RIOX2: variants seen among roughly 807,000 people sequenced by gnomAD.
RIOX2 encodes 60S ribosomal protein L27a histidine hydroxylase.
RIOX2 carries 43 observed loss-of-function variants against 51.2 expected under a neutral mutation model. The ratio of observed to expected loss-of-function variants is 0.84; its 90% CI spans 0.66 to 1.08. The LOEUF (loss-of-function observed/expected upper bound fraction) is 1.08. Ranked by LOEUF, RIOX2 falls within the 50% of genes least tolerant of loss-of-function variation. RIOX2 has a pLI of 0.00. For synonymous variants in RIOX2, 226 were observed against 218.5 expected, an observed-to-expected ratio of 1.03 and a Z score of -0.30; for missense variants, 566 against 561.7, an observed-to-expected ratio of 1.01 and a Z score of -0.08.
Position 97,942,994 on chromosome 3 carries a change from T to G in RIOX2, c.*2190A>C, listed in dbSNP as rs541515914. The stretch of plus-strand genomic sequence containing the variant: ...AAAGAATCACATTAAGGCACGCCAC[T>G]TATACAATCATGTATTATACCTTTT... On this transcript the variant is annotated 3_prime_UTR_variant, in exon 10 of 10. Coordinates refer to ENST00000394198, the MANE Select transcript of RIOX2 (RefSeq NM_153182.4). 51 of 463,916 alleles carry G rather than the reference T, an allele frequency of 1.1e-4. No homozygotes were observed. The highest frequency in any genetic ancestry group is 9.8e-4 in the South Asian group (34 of 34,734). The allele number at this position is 463,916 out of a possible 1,614,324, so 28.7% of individuals were successfully genotyped here. A position where few individuals can be genotyped will look rare whatever the true frequency, so the allele number is the denominator to read the frequency against.
intron 4 of RIOX2, 27 bp from the exon 5 acceptor site, chr3:97,954,522 A>G (rs1705384698): frequency 4.4e-6 from 7 of 1,575,564 alleles, no homozygotes; most frequent in Admixed American, 1.7e-5. Flanking sequence ...GAAAGGGTAG[A>G]GAAGTTAATA....
chr3:97,962,371 C>A (rs7647389), intron 2 of RIOX2, among the ~76,000 whole-genome samples: 19,587 of 118,366 alleles, frequency 0.17, 2,706 homozygotes, highest in African/African-American at 0.34. Flanking sequence ...CCCCCCCCCC[C>A]CCACATGGAG....
At chr3:97,965,632 G>T (rs1705860965) in intron 2 of RIOX2, among the ~76,000 whole-genome samples, 1 of 152,152 alleles carries the variant, frequency 6.6e-6, no homozygotes, top group African/African-American at 2.4e-5. Context: ...AAAAGAAACA[G>T]GTTCTTGGAC....
Position 97,952,156 on chromosome 3 carries a change from A to G in RIOX2, c.786-1268T>C, listed in dbSNP as rs1402452557. On this transcript the variant is annotated intron_variant, in intron 5 of 9. Transcript: ENST00000394198. ...GAAGAGGCCCCAAATATTCACCTTTACATGGTACCTGAAGGAGCATTAGGC... is the reference window on the plus strand; with the variant it reads ...GAAGAGGCCCCAAATATTCACCTTTGCATGGTACCTGAAGGAGCATTAGGC... 13 of 1,288,434 alleles carry G rather than the reference A, an allele frequency of 1.0e-5. No homozygotes were observed. In the East Asian group the frequency reaches 6.7e-4, roughly 66 times the overall value. 79.8% of individuals were successfully genotyped at this position (1,288,434 alleles called of 1,614,324 possible). A position where few individuals can be genotyped will look rare whatever the true frequency, so the allele number is the denominator to read the frequency against.
chr3:97,968,349 C>T (rs770716041), intron 1 of RIOX2, among the ~76,000 whole-genome samples: 87 of 152,314 alleles, frequency 5.7e-4, no homozygotes, highest in Non-Finnish European at 9.0e-4. Flanking sequence ...GTAGTTATAT[C>T]TAAAGCCTTG....
At chr3:97,957,189 A>G (rs1293559936) in intron 4 of RIOX2, among the ~76,000 whole-genome samples, 1 of 152,192 alleles carries the variant, frequency 6.6e-6, no homozygotes, top group African/African-American at 2.4e-5. Flanking sequence ...TCGCCTGAAG[A>G]GGCCCACTGG....
intron 3 of RIOX2, 135 bp from the exon 4 acceptor site, chr3:97,959,314 T>TTG: frequency 1.2e-6 from 1 of 817,606 alleles, no homozygotes; most frequent in Admixed American, 3.7e-5. Context: ...AGGTTTTTTT[T>TTG]TTTTTTTTTT....
intron 1 of RIOX2, chr3:97,971,715 C>T (rs969901064): frequency 1.3e-5 from 2 of 152,212 alleles, no homozygotes; most frequent in Non-Finnish European, 2.9e-5. Context: ...GACATGAAAC[C>T]CGAGGCACCA....
chr3:97,946,377 T>C (rs1459517217), intron 8 of RIOX2, among the ~76,000 whole-genome samples: 2 of 151,858 alleles, frequency 1.3e-5, no homozygotes, highest in Non-Finnish European at 2.9e-5. Context: ...TCAATTACAC[T>C]ACCCTCCCAA....
intron 2 of RIOX2, among the ~76,000 whole-genome samples, chr3:97,964,942 G>A (rs940275272): frequency 4.6e-5 from 7 of 151,840 alleles, no homozygotes; most frequent in South Asian, 4.2e-4. Flanking sequence ...CTCCTTACTC[G>A]TTTTTAAACT....
intron 2 of RIOX2, among the ~76,000 whole-genome samples, chr3:97,965,658 G>A (rs1401344164): frequency 2.6e-5 from 4 of 152,198 alleles, no homozygotes; most frequent in South Asian, 2.1e-4. Flanking sequence ...AATCCCAGAC[G>A]AGGAATGTGC....
Position 97,950,030 on chromosome 3 carries a change from G to T in RIOX2, c.889-15C>A. Reference sequence around the variant, plus strand: ...GATTCCACCTGCTAGGAACACAGAAGTGAGTCCTGGCCCAGATGCCAGCAG... The same window carrying T: ...GATTCCACCTGCTAGGAACACAGAATTGAGTCCTGGCCCAGATGCCAGCAG... On this transcript the variant is annotated splice_polypyrimidine_tract_variant and intron_variant, in intron 6 of 9. Coordinates refer to ENST00000394198, the MANE Select transcript of RIOX2 (RefSeq NM_153182.4). The T allele has an allele frequency of 6.2e-7, 1 of 1,612,680 alleles. No homozygotes were observed. Among genetic ancestry groups the T allele is most frequent in the Non-Finnish European group, 8.5e-7 (1 of 1,179,706 alleles).
In RIOX2 at chr3:97,949,893, G is replaced by A. The variant is rs771205036; in HGVS notation, c.1011C>T (p.His337=). 6.8e-6 allele frequency: 11 copies of A among 1,613,884 alleles called. No homozygotes were observed. Among genetic ancestry groups the A allele is most frequent in the East Asian group, 2.2e-5 (1 of 44,838 alleles). Residue 337 remains histidine, a synonymous_variant, in exon 7 of 10, where the codon CAC becomes CAT. Coordinates refer to ENST00000394198, the MANE Select transcript of RIOX2 (RefSeq NM_153182.4). ...SSDMKKDFIM[H]RLPPYSAGDG... The stretch of plus-strand genomic sequence containing the variant: ...CTCCCGCAGAGTAAGGGGGGAGTCT[G>A]TGCATAATAAAATCCTTCTTCATGT...
intron 4 of RIOX2, among the ~76,000 whole-genome samples, chr3:97,958,373 G>A (rs940959193): frequency 2.0e-5 from 3 of 152,152 alleles, no homozygotes; most frequent in African/African-American, 4.8e-5. Flanking sequence ...TCCATGTAAC[G>A]TTCTTTTCCT....
intron 2 of RIOX2, among the ~76,000 whole-genome samples, chr3:97,966,728 T>A (rs1260583590): frequency 6.6e-6 from 1 of 152,200 alleles, no homozygotes; most frequent in African/African-American, 2.4e-5. Context: ...TCCATTTAGA[T>A]GCAGGCAGTA....
At chr3:97,947,079 T>C (rs1575992158) in intron 8 of RIOX2, among the ~76,000 whole-genome samples, 1 of 151,958 alleles carries the variant, frequency 6.6e-6, no homozygotes. Context: ...TCTGTGGCTG[T>C]CCAAGCAAGA....
At chr3:97,961,230 A>G (rs832081) in intron 3 of RIOX2, among the ~76,000 whole-genome samples, 149,198 of 152,318 alleles carry the variant, frequency 0.98, 73,085 homozygotes, top group African/African-American at 0.99. Context: ...AAAGCACATG[A>G]AGGATTATTT....
At chr3:97,953,570 A>T (rs1384572036) in intron 5 of RIOX2, among the ~76,000 whole-genome samples, 1 of 152,038 alleles carries the variant, frequency 6.6e-6, no homozygotes, top group Admixed American at 6.6e-5. Flanking sequence ...TTTAGTAGAG[A>T]TGGGGTTTCA....
chr3:97,961,685 CTCCTGGA>C lies in RIOX2; in HGVS notation c.449_455del (p.Ile150ArgfsTer17). The C allele has an allele frequency of 6.2e-7, 1 of 1,610,832 alleles. No homozygotes were observed. Among genetic ancestry groups the C allele is most frequent in the Non-Finnish European group, 8.5e-7 (1 of 1,179,084 alleles). ...AGGAGCCAAAGTAACATTCCAGCTT[CTCCTGGA>C]TCCTCCAAAGCTCATCCTTTACAAA... is the stretch of plus-strand genomic sequence containing the variant. On this transcript the variant is annotated frameshift_variant, in exon 3 of 10. Transcript: ENST00000394198. LOFTEE classifies it high-confidence loss of function.
Sources: allele counts gnomAD v4.1 joint callset (sites outside exome capture counted in the v4.1 genomes callset), GRCh38; gene constraint gnomAD v4.1.1; transcripts MANE v1.5; gene names NCBI Gene and HGNC (gene_info 2026-07-23, HGNC 2026-07-21).